R3HDM1: variants seen among roughly 807,000 people sequenced by gnomAD.
R3HDM1 encodes R3H domain-containing protein 1.
R3HDM1 carries 46 observed loss-of-function variants against 141.1 expected under a neutral mutation model. The observed-to-expected ratio is 0.33, with a 90% confidence interval of 0.26 to 0.42. The LOEUF (loss-of-function observed/expected upper bound fraction) is 0.42. Among genes scored for constraint, R3HDM1 ranks in the 10% least tolerant of loss-of-function variants. R3HDM1 has a pLI of 1.00. For synonymous variants in R3HDM1, 435 were observed against 472.9 expected (o/e 0.92, Z 1.04); for missense variants, 1,184 against 1,368.3 (o/e 0.87, Z 2.12).
chr2:135,546,737 T>C (rs184449355), intron 1 of R3HDM1, among the ~76,000 whole-genome samples: 3 of 152,308 alleles, frequency 2.0e-5, no homozygotes, highest in Admixed American at 1.3e-4. Flanking sequence ...AGTGTCACTA[T>C]CTTGGCTCAC....
intron 3 of R3HDM1, among the ~76,000 whole-genome samples, chr2:135,606,958 A>T (rs1363350636): frequency 1.1e-5 from 1 of 88,338 alleles, no homozygotes; most frequent in African/African-American, 4.5e-5. Context: ...AAAGTAAAGA[A>T]ACCTGGTTTT....
At chr2:135,699,104 T>TAGATAGATAGATAGATAGA (rs34393221) in intron 21 of R3HDM1, among the ~76,000 whole-genome samples, 1 of 140,846 alleles carries the variant, frequency 7.1e-6, no homozygotes. Flanking sequence ...GATAGATAGA[T>TAGATAGATAGATAGATAGA]TAGATATTCC....
Position 135,667,742 on chromosome 2 carries a change from C to T in R3HDM1, c.2152+6349C>T, listed in dbSNP as rs138257612. Reference sequence around the variant, plus strand: ...TCTACTTCTCCTTCCTAATCCTCAGCCTTCTCCCTCTTTTCCAGATCATTG... The same window carrying T: ...TCTACTTCTCCTTCCTAATCCTCAGTCTTCTCCCTCTTTTCCAGATCATTG... On this transcript the variant is annotated intron_variant, in intron 19 of 26. Coordinates refer to ENST00000683871, the MANE Select transcript of R3HDM1 (RefSeq NM_001378107.1). The T allele has an allele frequency of 1.2e-4, 120 of 982,572 alleles. No homozygotes were observed. In the Admixed American group the frequency reaches 5.8e-3, roughly 48 times the overall value. The allele number at this position is 982,572 out of a possible 1,614,324, so 60.9% of individuals were successfully genotyped here.
chr2:135,649,220 A>T (rs1015502275), intron 16 of R3HDM1: 1 of 152,020 alleles, frequency 6.6e-6, no homozygotes, highest in African/African-American at 2.4e-5. Flanking sequence ...GCCCGCCACC[A>T]TGCCCGGCTA....
chr2:135,661,163 A>T, intron 18 of R3HDM1, 107 bp from the exon 19 acceptor site: 1 of 1,333,958 alleles, frequency 7.5e-7, no homozygotes, highest in South Asian at 1.7e-5. Flanking sequence ...TTTTCCAATG[A>T]TTAGTGCTAA....
chr2:135,536,740 A>G, intron 1 of R3HDM1: 1 of 979,502 alleles, frequency 1.0e-6, no homozygotes, highest in Non-Finnish European at 1.2e-6. Context: ...CCTATAAGGC[A>G]GAGGTCCCCA....
chr2:135,550,026 C>T (rs961411624), intron 1 of R3HDM1: 4 of 977,768 alleles, frequency 4.1e-6, no homozygotes, highest in Non-Finnish European at 4.9e-6. Flanking sequence ...TTTGGAATGG[C>T]AGTTTATATT....
chr2:135,536,796 G>A, intron 1 of R3HDM1: 1 of 809,290 alleles, frequency 1.2e-6, no homozygotes, highest in Non-Finnish European at 1.5e-6. Flanking sequence ...CAGTGGACCG[G>A]TGAACATCAC....
At chr2:135,533,335 G>A (rs1192624721) in intron 1 of R3HDM1, among the ~76,000 whole-genome samples, 1 of 152,176 alleles carries the variant, frequency 6.6e-6, no homozygotes, top group Non-Finnish European at 1.5e-5. Flanking sequence ...GATCCCCACA[G>A]AGTTCCTGTA....
intron 1 of R3HDM1, among the ~76,000 whole-genome samples, chr2:135,573,266 T>C (rs1016373916): frequency 3.4e-4 from 52 of 152,104 alleles, no homozygotes; most frequent in African/African-American, 2.4e-4. Flanking sequence ...CAAATAAATA[T>C]AGAATAAGAA....
chr2:135,590,782 G>A lies in R3HDM1; in HGVS notation c.-249-11718G>A, dbSNP rs549056254. The A allele has an allele frequency of 1.7e-4, 164 of 954,334 alleles. No individual in the cohort carries two copies. The African/African-American group carries it at 2.5e-3, about 15-fold the overall frequency. 59.1% of individuals were successfully genotyped at this position (954,334 alleles called of 1,614,324 possible). On this transcript the variant is annotated intron_variant, in intron 1 of 26. Transcript: ENST00000683871. ...TTTGTTGTACACATCCTTTTATAGA[G>A]TATGAAGGCAGATGATGGCAACTGA...
chr2:135,608,528 A>C (rs947202542), intron 3 of R3HDM1, among the ~76,000 whole-genome samples: 2 of 152,174 alleles, frequency 1.3e-5, no homozygotes, highest in Non-Finnish European at 2.9e-5. Flanking sequence ...TTCATTTAAA[A>C]TATTGTAAAA....
intron 25 of R3HDM1, 22 bp from the exon 26 acceptor site, chr2:135,722,447 T>C: frequency 6.2e-7 from 1 of 1,611,544 alleles, no homozygotes; most frequent in Non-Finnish European, 8.5e-7. Context: ...ACGTTGTTTC[T>C]CAACTATTTG....
At chr2:135,587,961 A>G (rs1708321906) in intron 1 of R3HDM1, among the ~76,000 whole-genome samples, 1 of 150,320 alleles carries the variant, frequency 6.7e-6, no homozygotes, top group African/African-American at 2.5e-5. Context: ...ACTTTGTCTC[A>G]GTCTGTCTCC....
At chr2:135,683,788 G>A (rs1393583775) in intron 21 of R3HDM1, among the ~76,000 whole-genome samples, 2 of 151,968 alleles carry the variant, frequency 1.3e-5, no homozygotes, top group Non-Finnish European at 2.9e-5. Flanking sequence ...CCATCTAAGG[G>A]CTAATGAATA....
chr2:135,696,941 C>G (rs2073334472), intron 21 of R3HDM1, among the ~76,000 whole-genome samples: 1 of 152,152 alleles, frequency 6.6e-6, no homozygotes, highest in Admixed American at 6.5e-5. Context: ...TAGACTTGAA[C>G]TAACTGTAAA....
chr2:135,665,765 C>T (rs1362986757), intron 19 of R3HDM1, among the ~76,000 whole-genome samples: 2 of 152,138 alleles, frequency 1.3e-5, no homozygotes, highest in Non-Finnish European at 2.9e-5. Flanking sequence ...ATACCAAACT[C>T]ATTAGCAGAA....
intron 1 of R3HDM1, among the ~76,000 whole-genome samples, chr2:135,592,852 C>A (rs1163095438): frequency 6.6e-6 from 1 of 151,998 alleles, no homozygotes; most frequent in East Asian, 1.9e-4. Flanking sequence ...AACTCCTGAG[C>A]CCAAGGGATC....
chr2:135,605,674 C>G (rs1239656376), intron 3 of R3HDM1: 1 of 151,972 alleles, frequency 6.6e-6, no homozygotes, highest in Non-Finnish European at 1.5e-5. Flanking sequence ...CACTTTTAAA[C>G]AATTTATTTT....
Sources: gnomAD v4.1 joint callset for allele counts (sites outside exome capture counted in the v4.1 genomes callset) on GRCh38, gnomAD v4.1.1 for gene constraint, MANE v1.5 for transcripts, NCBI Gene and HGNC (gene_info 2026-07-23, HGNC 2026-07-21) for gene names.